ROBO2: variants seen among roughly 807,000 people sequenced by gnomAD.
ROBO2 encodes roundabout homolog 2.
ROBO2 carries 53 observed loss-of-function variants against 160.8 expected under a neutral mutation model. The observed-to-expected ratio is 0.33, with a 90% CI of 0.26 to 0.41. The LOEUF (loss-of-function observed/expected upper bound fraction) is 0.41, where lower values mean the gene tolerates loss of function less well. Among genes scored for constraint, ROBO2 ranks in the 10% least tolerant of loss-of-function variants. The pLI, the probability that ROBO2 is intolerant of heterozygous loss-of-function variation, is 1.00. For synonymous variants in ROBO2, 664 were observed against 611.7 expected (o/e 1.09, Z -1.26); for missense variants, 1,577 against 1,722.4 (o/e 0.92, Z 1.49).
At chr3:76,129,431 C>G (rs756979095) in intron 2 of ROBO2, among the ~76,000 whole-genome samples, 1 of 152,128 alleles carries the variant, frequency 6.6e-6, no homozygotes, top group East Asian at 1.9e-4. Context: ...TTGAAATGCA[C>G]TATACAATCT....
chr3:76,889,781 T>C (rs901469321), intron 2 of ROBO2, among the ~76,000 whole-genome samples: 2 of 152,174 alleles, frequency 1.3e-5, no homozygotes, highest in Admixed American at 6.5e-5. Context: ...AGAGAGTGCT[T>C]GGGGAAAAGC....
intron 2 of ROBO2, among the ~76,000 whole-genome samples, chr3:75,975,355 T>C (rs2065108948): frequency 6.6e-6 from 1 of 151,450 alleles, no homozygotes; most frequent in African/African-American, 2.4e-5. Context: ...TTTTTATAAA[T>C]GACTAAGATA....
Position 77,372,390 on chromosome 3 carries a change from C to T in ROBO2, c.389-105024C>T, listed in dbSNP as rs117277223. Reference sequence around the variant, plus strand: ...ATTTCTGACTTTGATGCTAAGATTGCTCTCCAAATATTATATTTTTCATTA... The same window carrying T: ...ATTTCTGACTTTGATGCTAAGATTGTTCTCCAAATATTATATTTTTCATTA... On this transcript the variant is annotated intron_variant, in intron 2 of 25. Transcript: ENST00000461745. Among the ~76,000 whole-genome samples the T allele has an allele frequency of 7.7e-4, 117 of 151,352 alleles. No homozygotes were observed. The East Asian group carries it at 0.019, about 25-fold the overall frequency.
chr3:77,026,550 G>T (rs555322649), intron 2 of ROBO2, among the ~76,000 whole-genome samples: 29 of 152,106 alleles, frequency 1.9e-4, no homozygotes, highest in Non-Finnish European at 4.1e-4. Flanking sequence ...AAACCCAAAG[G>T]CATGATTCTT....
chr3:75,971,037 A>C (rs1361516693), intron 2 of ROBO2, among the ~76,000 whole-genome samples: 1 of 151,372 alleles, frequency 6.6e-6, no homozygotes, highest in Non-Finnish European at 1.5e-5. Context: ...AATATTTAAA[A>C]GGTCTTCTTA....
intron 2 of ROBO2, among the ~76,000 whole-genome samples, chr3:76,555,419 A>G (rs1347618192): frequency 9.7e-5 from 8 of 82,254 alleles, no homozygotes; most frequent in African/African-American, 3.1e-4. Flanking sequence ...AAGAAGAAGA[A>G]AGAAGGAGAA....
At chr3:76,463,535 G>A (rs1029905577) in intron 2 of ROBO2, among the ~76,000 whole-genome samples, 17 of 151,974 alleles carry the variant, frequency 1.1e-4, no homozygotes, top group African/African-American at 3.9e-4. Flanking sequence ...GGAAATTAGG[G>A]CATTAATACT....
intron 2 of ROBO2, among the ~76,000 whole-genome samples, chr3:76,112,757 G>A (rs1243746324): frequency 2.0e-5 from 3 of 151,894 alleles, no homozygotes; most frequent in African/African-American, 4.8e-5. Flanking sequence ...ATGTGATTGA[G>A]ATTTTATAAT....
chr3:76,510,974 T>C (rs937990048), intron 2 of ROBO2, among the ~76,000 whole-genome samples: 1 of 152,094 alleles, frequency 6.6e-6, no homozygotes, highest in South Asian at 2.1e-4. Context: ...GTATTAAAGT[T>C]TTAAAGATTT....
intron 2 of ROBO2, among the ~76,000 whole-genome samples, chr3:76,291,318 C>T (rs573191400): frequency 6.6e-6 from 1 of 152,174 alleles, no homozygotes; most frequent in East Asian, 1.9e-4. Context: ...TCTAGATTTT[C>T]TAGTTTATGT....
chr3:76,535,347 C>A (rs189642680), intron 2 of ROBO2, among the ~76,000 whole-genome samples: 23 of 152,018 alleles, frequency 1.5e-4, no homozygotes, highest in Admixed American at 9.8e-4. Context: ...CTGTAACAGG[C>A]GAATGATAAC....
chr3:76,903,721 A>G (rs2075390761), intron 2 of ROBO2, among the ~76,000 whole-genome samples: 1 of 152,158 alleles, frequency 6.6e-6, no homozygotes, highest in Admixed American at 6.6e-5. Context: ...AATCATTTAC[A>G]TGGGATTGCT....
chr3:77,042,178 T>G (rs2064168441), intron 1 of ROBO2, among the ~76,000 whole-genome samples: 1 of 152,240 alleles, frequency 6.6e-6, no homozygotes, highest in Non-Finnish European at 1.5e-5. Context: ...TGCGTGTGTG[T>G]GCACTGCTTC....
intron 2 of ROBO2, among the ~76,000 whole-genome samples, chr3:76,579,786 C>CAAAAA (rs5850267): frequency 2.9e-4 from 31 of 107,136 alleles, no homozygotes; most frequent in African/African-American, 9.7e-4. Flanking sequence ...GGTTGAGTTA[C>CAAAAA]AAAAAAAAAA....
At chr3:76,267,190 C>A (rs17733105) in intron 2 of ROBO2, among the ~76,000 whole-genome samples, 44,967 of 152,046 alleles carry the variant, frequency 0.3, 8,563 homozygotes, top group Non-Finnish European at 0.41. Context: ...TCTTACAATG[C>A]CCTATTAGTC....
chr3:77,505,805 A>C (rs1379268993), intron 5 of ROBO2, among the ~76,000 whole-genome samples: 1 of 152,214 alleles, frequency 6.6e-6, no homozygotes, highest in African/African-American at 2.4e-5. Context: ...CTGAGGGGCA[A>C]ATATAAATGA....
intron 23 of ROBO2, among the ~76,000 whole-genome samples, chr3:77,624,655 C>T (rs564532574): frequency 6.6e-6 from 1 of 152,268 alleles, no homozygotes; most frequent in South Asian, 2.1e-4. Flanking sequence ...ATGTTTTTAA[C>T]ATGGTAAGTG....
intron 2 of ROBO2, among the ~76,000 whole-genome samples, chr3:77,456,425 G>A (rs747246911): frequency 6.6e-6 from 1 of 152,102 alleles, no homozygotes; most frequent in African/African-American, 2.4e-5. Flanking sequence ...ACATTTATGT[G>A]AAAAAACACT....
intron 2 of ROBO2, among the ~76,000 whole-genome samples, chr3:76,407,763 T>A (rs192790895): frequency 6.6e-6 from 1 of 152,164 alleles, no homozygotes; most frequent in Admixed American, 6.6e-5. Flanking sequence ...TCAAAGTATT[T>A]TAAGGGAAGC....
Sources: gnomAD v4.1 joint callset for allele counts (sites outside exome capture counted in the v4.1 genomes callset) on GRCh38, gnomAD v4.1.1 for gene constraint, MANE v1.5 for transcripts, NCBI Gene and HGNC (gene_info 2026-07-23, HGNC 2026-07-21) for gene names.